Variants in GPATCH8 observed in about 807,000 individuals in gnomAD.
GPATCH8 encodes the protein G patch domain-containing protein 8.
Under a neutral mutation model 118.3 loss-of-function variants are expected in GPATCH8, and 18 were observed. The observed-to-expected ratio is 0.15, with a 90% CI of 0.11 to 0.23. The LOEUF (loss-of-function observed/expected upper bound fraction) is 0.23. GPATCH8 is among the 10% of genes least tolerant of loss of function. The pLI is 1.00. For missense variants in GPATCH8, 1,631 were observed against 1,873.8 expected (o/e 0.87, Z 2.39); for synonymous variants, 659 against 684.7 (o/e 0.96, Z 0.59).
At chr17:44,461,896 G>A (rs1360070141) in intron 3 of GPATCH8, among the ~76,000 whole-genome samples, 1 of 151,472 alleles carries the variant, frequency 6.6e-6, no homozygotes, top group East Asian at 2.0e-4. Flanking sequence ...TAGAGATGGG[G>A]TCTATGTTGC....
chr17:44,397,539 T>C lies in GPATCH8; in HGVS notation c.*29A>G, dbSNP rs1473752335. On this transcript the variant is annotated 3_prime_UTR_variant, in exon 8 of 8. Coordinates refer to ENST00000591680, the MANE Select transcript of GPATCH8 (RefSeq NM_001002909.4). ...GGGAACATTTATGGGTCTCCTCCCC[T>C]GGCCCTACCTAGGATCCCATCCCCC... 1.3e-6 allele frequency: 2 copies of C among 1,498,778 alleles called. No homozygotes were observed. 92.8% of individuals were successfully genotyped at this position (1,498,778 alleles called of 1,614,324 possible).
At chr17:44,486,486 ATTTT>A (rs869145666) in intron 1 of GPATCH8, 1 of 152,102 alleles carries the variant, frequency 6.6e-6, no homozygotes, top group Non-Finnish European at 1.5e-5. Context: ...CTTAAAAAAA[ATTTT>A]TTTTAACAAT....
intron 7 of GPATCH8, among the ~76,000 whole-genome samples, chr17:44,404,349 C>T (rs541935391): frequency 6.6e-6 from 1 of 151,724 alleles, no homozygotes; most frequent in Non-Finnish European, 1.5e-5. Flanking sequence ...TCCTATGTTG[C>T]CCTGGCTGGT....
At position 44,396,924 on chromosome 17, in the gene GPATCH8, G is replaced by C. The variant is rs1434276736; in HGVS notation, c.*644C>G. ...TCTGGGATATGGAGATGCCTCTTCT[G>C]GGATGAGGGATACCAAGATAACAGT... On this transcript the variant is annotated 3_prime_UTR_variant, in exon 8 of 8. Transcript: ENST00000591680. The C allele has an allele frequency of 2.2e-6, 1 of 454,100 alleles. No individual in the cohort carries two copies. Among genetic ancestry groups the C allele is most frequent in the African/African-American group, 2.0e-5 (1 of 50,116 alleles). The allele number at this position is 454,100 out of a possible 1,614,324, so 28.1% of individuals were successfully genotyped here. A position where few individuals can be genotyped will look rare whatever the true frequency, so the allele number is the denominator to read the frequency against.
At chr17:44,483,790 C>G (rs560709773) in intron 1 of GPATCH8, among the ~76,000 whole-genome samples, 1 of 151,680 alleles carries the variant, frequency 6.6e-6, no homozygotes, top group Admixed American at 6.6e-5. Context: ...TACAAGCATG[C>G]ACTACCAGGC....
intron 2 of GPATCH8, among the ~76,000 whole-genome samples, chr17:44,471,247 A>G: frequency 6.6e-6 from 1 of 152,374 alleles, no homozygotes; most frequent in South Asian, 2.1e-4. Context: ...TATATTTTCA[A>G]CATTTACCTA....
At chr17:44,445,252 T>A (rs577604173) in intron 3 of GPATCH8, among the ~76,000 whole-genome samples, 1 of 152,126 alleles carries the variant, frequency 6.6e-6, no homozygotes, top group South Asian at 2.1e-4. Flanking sequence ...AAAAACTGAA[T>A]TGGAAAGTTG....
intron 6 of GPATCH8, among the ~76,000 whole-genome samples, chr17:44,408,775 T>C (rs182335229): frequency 1.3e-3 from 201 of 152,220 alleles, no homozygotes; most frequent in African/African-American, 4.4e-3. Flanking sequence ...CACAGGAATA[T>C]GGTTGGAGGT....
In GPATCH8 at chr17:44,474,915, T is replaced by C. The variant is rs775723978; in HGVS notation, c.46-12A>G. On this transcript the variant is annotated splice_polypyrimidine_tract_variant and intron_variant, in intron 1 of 7. Coordinates refer to ENST00000591680, the MANE Select transcript of GPATCH8 (RefSeq NM_001002909.4). Reference sequence around the variant, plus strand: ...TCAAAGTGATTACCCTGAAAAAAGATGATTACAGTTATTTTTCAAAAGCAG... The same window carrying C: ...TCAAAGTGATTACCCTGAAAAAAGACGATTACAGTTATTTTTCAAAAGCAG... The C allele has an allele frequency of 4.4e-6, 6 of 1,357,616 alleles. No homozygotes were observed. Among genetic ancestry groups the C allele is most frequent in the Admixed American group, 1.7e-5 (1 of 59,526 alleles). The allele number at this position is 1,357,616 out of a possible 1,614,324, so 84.1% of individuals were successfully genotyped here.
chr17:44,471,575 T>C (rs1181919745), intron 2 of GPATCH8, among the ~76,000 whole-genome samples: 1 of 152,230 alleles, frequency 6.6e-6, no homozygotes, highest in Admixed American at 6.5e-5. Context: ...TCAGCCACTT[T>C]TGAGTTGCAT....
In GPATCH8 at chr17:44,421,322, C is replaced by A. The variant is rs1350188107; in HGVS notation, c.492+3027G>T. 2.6e-5 allele frequency among the ~76,000 whole-genome samples: 4 copies of A among 151,670 alleles called. No individual in the cohort carries two copies. The East Asian group carries it at 6.0e-4, about 23-fold the overall frequency. ...CGCCATTGCACTTCAGCCTGGGCAACAAGAGTGAAACTCCATCTCAAGAAA... is the reference window on the plus strand; with the variant it reads ...CGCCATTGCACTTCAGCCTGGGCAAAAAGAGTGAAACTCCATCTCAAGAAA... On this transcript the variant is annotated intron_variant, in intron 6 of 7. Coordinates refer to ENST00000591680, the MANE Select transcript of GPATCH8 (RefSeq NM_001002909.4).
At chr17:44,468,105 C>T (rs1458037452) in intron 2 of GPATCH8, among the ~76,000 whole-genome samples, 1 of 151,308 alleles carries the variant, frequency 6.6e-6, no homozygotes, top group Non-Finnish European at 1.5e-5. Context: ...GTAGCTGGGA[C>T]TACAGACACG....
At chr17:44,449,513 C>CTTTT (rs752494488) in intron 3 of GPATCH8, among the ~76,000 whole-genome samples, 1 of 124,784 alleles carries the variant, frequency 8.0e-6, no homozygotes, top group African/African-American at 2.9e-5. Flanking sequence ...TCAGAATCTA[C>CTTTT]TTTTTTTTTT....
intron 3 of GPATCH8, among the ~76,000 whole-genome samples, chr17:44,459,441 C>T (rs2051462712): frequency 6.6e-6 from 1 of 152,098 alleles, no homozygotes; most frequent in South Asian, 2.1e-4. Flanking sequence ...CCATTTATTG[C>T]TGAGGAAAAT....
chr17:44,490,079 C>T (rs1287259745), intron 1 of GPATCH8, among the ~76,000 whole-genome samples: 1 of 152,102 alleles, frequency 6.6e-6, no homozygotes, highest in East Asian at 1.9e-4. Flanking sequence ...AAGTGGATCT[C>T]TTGAGCCCAG....
At chr17:44,457,904 ACC>A (rs771900593) in intron 3 of GPATCH8, among the ~76,000 whole-genome samples, 1 of 151,482 alleles carries the variant, frequency 6.6e-6, no homozygotes, top group Non-Finnish European at 1.5e-5. Context: ...ACACGCTAAA[ACC>A]CCGTCTCTAC....
intron 1 of GPATCH8, among the ~76,000 whole-genome samples, chr17:44,485,070 T>C (rs1968670117): frequency 6.6e-6 from 1 of 151,942 alleles, no homozygotes; most frequent in Non-Finnish European, 1.5e-5. Flanking sequence ...CGCCTCAGCC[T>C]CCCCAAGTGC....
intron 3 of GPATCH8, among the ~76,000 whole-genome samples, chr17:44,446,596 G>A (rs1007480216): frequency 3.3e-5 from 5 of 151,960 alleles, no homozygotes; most frequent in African/African-American, 4.8e-5. Context: ...AATCTATAAG[G>A]TTCACTTCAC....
rs749873841 is a variant in GPATCH8, at chr17:44,399,706, G to T, written c.2371C>A (p.Pro791Thr). The T allele has an allele frequency of 6.2e-7, 1 of 1,614,064 alleles. No homozygotes were observed. Among genetic ancestry groups the T allele is most frequent in the Admixed American group, 1.7e-5 (1 of 60,018 alleles). ...GCTCTTCGCTGGCAGGATGAAGGTG[G>T]AAGTTCACCTTTGTGTTTCCTCCCA... Reference protein sequence around the residue: ...HGGRKHKGELPPSSCQRRAGT... With the variant: ...HGGRKHKGELTPSSCQRRAGT... The change falls in exon 8 of 8, where the codon CCA becomes ACA. Residue 791 changes from proline (P) to threonine (T), a missense_variant. By Grantham distance (38) the Pro-to-Thr change is conservative (BLOSUM62 -1). Transcript: ENST00000591680.
Sources: gnomAD v4.1 joint callset for allele counts (sites outside exome capture counted in the v4.1 genomes callset) on GRCh38, gnomAD v4.1.1 for gene constraint, MANE v1.5 for transcripts, NCBI Gene and HGNC (gene_info 2026-07-23, HGNC 2026-07-21) for gene names.